Variants in PHACTR1 observed in about 807,000 individuals in gnomAD.
PHACTR1 encodes RPEL repeat containing 1.
A neutral mutation model predicts 69.2 loss-of-function variants in PHACTR1; 16 were observed. That is an observed-to-expected ratio of 0.23 (90% confidence interval 0.16 to 0.35). The LOEUF (loss-of-function observed/expected upper bound fraction) is 0.35, where lower values mean the gene tolerates loss of function less well. PHACTR1 is among the 10% of genes least tolerant of loss of function. The probability of loss-of-function intolerance (pLI) is 1.00; values close to 1 mark genes in which losing one functional copy is unlikely to be tolerated. For synonymous variants in PHACTR1, 312 were observed against 284.5 expected, an observed-to-expected ratio of 1.10 and a Z score of -0.97; for missense variants, 510 against 734.7, an observed-to-expected ratio of 0.69 and a Z score of 3.54.
intron 4 of PHACTR1, among the ~76,000 whole-genome samples, chr6:12,951,195 C>T (rs980568900): frequency 2.6e-5 from 4 of 152,204 alleles, no homozygotes; most frequent in African/African-American, 9.7e-5. Context: ...TGATCTCATT[C>T]CTGTCAGGCC....
At chr6:13,161,033 G>A (rs1758916755) in intron 6 of PHACTR1, among the ~76,000 whole-genome samples, 1 of 151,992 alleles carries the variant, frequency 6.6e-6, no homozygotes, top group Admixed American at 6.5e-5. Context: ...AGGCTGGAGT[G>A]CAGTGATGCA....
intron 4 of PHACTR1, among the ~76,000 whole-genome samples, chr6:12,793,960 CTCCGCTAAG>C (rs938162166): frequency 6.6e-6 from 1 of 152,210 alleles, no homozygotes; most frequent in African/African-American, 2.4e-5. Flanking sequence ...ATGCCAGGCA[CTCCGCTAAG>C]TCCTGGAGCT....
chr6:13,283,550 C>G lies in PHACTR1; in HGVS notation c.1638C>G (p.Thr546=). The change falls in exon 13 of 15, where the codon ACC becomes ACG. Residue 546 remains threonine (T), a synonymous_variant. Transcript: ENST00000332995. This position sits in a 1 kb window ranked among gnomAD's most constrained non-coding sequence, Gnocchi z 4.7. ...CAGATAAGCCGTGGACCCGCCTCAC[C>G]GCTGCAGACAAAGTAAGCAGAGGGG... ...RRADKPWTRL[T]AADKAAIRKE... The G allele has an allele frequency of 5.0e-6, 8 of 1,613,860 alleles. No homozygotes were observed. Among genetic ancestry groups the G allele is most frequent in the Non-Finnish European group, 6.8e-6 (8 of 1,179,870 alleles).
chr6:13,174,709 A>T (rs900617797), intron 6 of PHACTR1, among the ~76,000 whole-genome samples: 2 of 144,996 alleles, frequency 1.4e-5, no homozygotes, highest in Admixed American at 1.4e-4. Flanking sequence ...AAATTAAATC[A>T]CATACATTCT....
At chr6:12,804,860 A>G (rs1013547840) in intron 4 of PHACTR1, among the ~76,000 whole-genome samples, 2 of 152,200 alleles carry the variant, frequency 1.3e-5, no homozygotes, top group African/African-American at 4.8e-5. Flanking sequence ...AACTGAGCAT[A>G]CTAGTAACTT....
chr6:12,750,205 G>C (rs954914893), intron 4 of PHACTR1, among the ~76,000 whole-genome samples: 2 of 152,190 alleles, frequency 1.3e-5, no homozygotes, highest in South Asian at 2.1e-4. Flanking sequence ...TGGCTTTGAC[G>C]GGTTGACGCC....
intron 7 of PHACTR1, among the ~76,000 whole-genome samples, chr6:13,190,023 CTTTTTTTT>C (rs56040224): frequency 9.7e-5 from 12 of 123,820 alleles, no homozygotes; most frequent in African/African-American, 3.9e-4. Flanking sequence ...ATCTCTTCTG[CTTTTTTTT>C]TTTTTTTTTT....
intron 5 of PHACTR1, among the ~76,000 whole-genome samples, chr6:13,108,036 G>T (rs533131405): frequency 6.6e-6 from 1 of 152,102 alleles, no homozygotes; most frequent in South Asian, 2.1e-4. Flanking sequence ...TTCACTTAAA[G>T]CACTGCTTCA....
At chr6:13,123,602 C>T (rs1393834813) in intron 5 of PHACTR1, among the ~76,000 whole-genome samples, 1 of 152,056 alleles carries the variant, frequency 6.6e-6, no homozygotes, top group Admixed American at 6.5e-5. Context: ...TCATTCTTGC[C>T]GATTTGAGGG....
At chr6:12,775,099 T>G (rs943099872) in intron 4 of PHACTR1, among the ~76,000 whole-genome samples, 40 of 152,274 alleles carry the variant, frequency 2.6e-4, no homozygotes, top group African/African-American at 9.4e-4. Context: ...AAAGTTTCAG[T>G]GCCCTTACTG....
chr6:13,264,282 G>GA (rs1776307665), intron 10 of PHACTR1, among the ~76,000 whole-genome samples: 1 of 152,018 alleles, frequency 6.6e-6, no homozygotes, highest in African/African-American at 2.4e-5. Context: ...CCATCCCTTG[G>GA]ATCCCAAGCC....
intron 8 of PHACTR1, among the ~76,000 whole-genome samples, chr6:13,224,868 G>A (rs979058661): frequency 5.9e-5 from 9 of 152,196 alleles, no homozygotes; most frequent in Non-Finnish European, 1.2e-4. Context: ...GACTGAAACT[G>A]AGCCTGCTGT....
chr6:12,975,001 G>A (rs1394749378), intron 4 of PHACTR1, among the ~76,000 whole-genome samples: 1 of 151,702 alleles, frequency 6.6e-6, no homozygotes, highest in Non-Finnish European at 1.5e-5. Flanking sequence ...ATACTCCTAC[G>A]GTCAGGGAAA....
chr6:12,875,266 C>T (rs892973915), intron 4 of PHACTR1, among the ~76,000 whole-genome samples: 1 of 152,182 alleles, frequency 6.6e-6, no homozygotes, highest in Non-Finnish European at 1.5e-5. Context: ...TATTACTCAT[C>T]GTGACTCCAC....
At chr6:12,765,226 A>C (rs374708693) in intron 4 of PHACTR1, among the ~76,000 whole-genome samples, 3 of 152,342 alleles carry the variant, frequency 2.0e-5, no homozygotes, top group African/African-American at 7.2e-5. Context: ...ATTTTGACTT[A>C]TTGCATGAAA....
intron 10 of PHACTR1, among the ~76,000 whole-genome samples, chr6:13,232,773 G>A (rs1018073919): frequency 2.0e-5 from 3 of 152,132 alleles, no homozygotes; most frequent in Non-Finnish European, 4.4e-5. Context: ...GTGGGTGGGT[G>A]TGGTTCTGGG....
At position 12,901,130 on chromosome 6, in the gene PHACTR1, GA is replaced by G. The variant is rs201059788; in HGVS notation, c.250+151341del. On this transcript the variant is annotated intron_variant, in intron 4 of 14. Coordinates refer to ENST00000332995, the MANE Select transcript of PHACTR1 (RefSeq NM_030948.6). Reference sequence around the variant, plus strand: ...TGTAAGTAAAGAAATAAGGAGCACTGAGTCAGGAAGTGAGGCAAACCATGGG... The same window carrying G: ...TGTAAGTAAAGAAATAAGGAGCACTGGTCAGGAAGTGAGGCAAACCATGGG... Among the ~76,000 whole-genome samples the G allele has an allele frequency of 8.4e-3, 1,281 of 152,272 alleles. 24 individuals are homozygous for G. The highest frequency in any genetic ancestry group is 0.029 in the African/African-American group (1,192 of 41,544).
intron 4 of PHACTR1, among the ~76,000 whole-genome samples, chr6:12,950,879 C>T (rs1030989836): frequency 6.6e-6 from 1 of 152,184 alleles, no homozygotes; most frequent in Non-Finnish European, 1.5e-5. Context: ...ACACCTCATT[C>T]ATTTGCGCCA....
chr6:13,193,627 G>A (rs4280960), intron 7 of PHACTR1, among the ~76,000 whole-genome samples: 12,902 of 151,512 alleles, frequency 0.085, 1,304 homozygotes, highest in East Asian at 0.58. Flanking sequence ...GGCTCAAACA[G>A]TCCTCCTGCC....
Sources: gnomAD v4.1 joint callset for allele counts (sites outside exome capture counted in the v4.1 genomes callset) on GRCh38, gnomAD v4.1.1 for gene constraint, Gnocchi (gnomAD v3.1) non-coding constraint, MANE v1.5 for transcripts, NCBI Gene and HGNC (gene_info 2026-07-23, HGNC 2026-07-21) for gene names.